Variants in ZBTB32 observed in about 807,000 individuals in gnomAD.
ZBTB32 encodes the protein zinc finger and BTB domain-containing protein 32.
Under a neutral mutation model 45.3 loss-of-function variants are expected in ZBTB32, and 28 were observed. The observed-to-expected ratio is 0.62, with a 90% CI of 0.46 to 0.85. The LOEUF is 0.85. ZBTB32 is among the 40% of genes least tolerant of loss of function. ZBTB32 has a pLI of 0.00. For missense variants in ZBTB32, 587 were observed against 624.4 expected, an observed-to-expected ratio of 0.94 and a Z score of 0.64; for synonymous variants, 283 against 255.7, an observed-to-expected ratio of 1.11 and a Z score of -1.02.
In ZBTB32 at chr19:35,704,620, G is replaced by T. The variant is rs1968493735; in HGVS notation, c.-225G>T. On this transcript the variant is annotated 5_prime_UTR_variant, in exon 1 of 7. Transcript: ENST00000392197. ...AAAGGGAAGGAGGAACAGGGTCTGGGCCGGTGAGTGCCATAGTTTTTCTTA... is the reference window on the plus strand; with the variant it reads ...AAAGGGAAGGAGGAACAGGGTCTGGTCCGGTGAGTGCCATAGTTTTTCTTA... 1 of 152,406 alleles carries T rather than the reference G, an allele frequency of 6.6e-6. No individual in the cohort carries two copies. Among genetic ancestry groups the T allele is most frequent in the Non-Finnish European group, 1.5e-5 (1 of 68,154 alleles). 9.4% of individuals were successfully genotyped at this position (152,406 alleles called of 1,614,324 possible).
intron 1 of ZBTB32, among the ~76,000 whole-genome samples, chr19:35,711,372 TTA>T (rs1426209147): frequency 1.3e-5 from 2 of 152,190 alleles, no homozygotes; most frequent in Non-Finnish European, 2.9e-5. Context: ...GACTGATGCT[TTA>T]TGTGTCTTTT....
chr19:35,716,044 T>A, intron 5 of ZBTB32, 37 bp downstream of exon 5: 1 of 1,611,050 alleles, frequency 6.2e-7, no homozygotes, highest in Non-Finnish European at 8.5e-7. Flanking sequence ...TCAGCCCCAC[T>A]GTAGCCCTTG....
intron 1 of ZBTB32, among the ~76,000 whole-genome samples, chr19:35,707,890 G>A (rs1385794744): frequency 6.6e-6 from 1 of 152,090 alleles, no homozygotes; most frequent in East Asian, 1.9e-4. Flanking sequence ...GCTGAGGCAG[G>A]AGAATCTCTT....
At chr19:35,707,670 T>C (rs1298799985) in intron 1 of ZBTB32, among the ~76,000 whole-genome samples, 1 of 152,020 alleles carries the variant, frequency 6.6e-6, no homozygotes, top group African/African-American at 2.4e-5. Flanking sequence ...ACCCGGCCTG[T>C]GTCTACCATT....
chr19:35,713,926 CTCT>C (rs1968776438), intron 2 of ZBTB32, among the ~76,000 whole-genome samples: 1 of 152,230 alleles, frequency 6.6e-6, no homozygotes, highest in Non-Finnish European at 1.5e-5. Flanking sequence ...ACCTGCTCTC[CTCT>C]TTCTCTGGAT....
At chr19:35,707,050 C>A (rs907879265) in intron 1 of ZBTB32, among the ~76,000 whole-genome samples, 9 of 152,084 alleles carry the variant, frequency 5.9e-5, no homozygotes, top group African/African-American at 2.2e-4. Context: ...CAGACAGCCA[C>A]CAAGCATGAT....
In ZBTB32 at chr19:35,716,562, C is replaced by T. The variant is rs1452128421; in HGVS notation, c.1274C>T (p.Ala425Val). ...AMTKHLRTHG[A>V]APYRCSLCGA... is the part of the protein sequence containing the mutation. ...ACCAAGCACCTGCGGACACACGGGG[C>T]CGCTCCGTACCGCTGCTCCCTGTGC... is the stretch of plus-strand genomic sequence containing the variant. The change falls in exon 7 of 7, where the codon GCC becomes GTC. Residue 425 changes from alanine (A) to valine (V), a missense_variant. Coordinates refer to ENST00000392197, the MANE Select transcript of ZBTB32 (RefSeq NM_014383.3). 6 of 1,612,986 alleles carry T rather than the reference C, an allele frequency of 3.7e-6. No individual in the cohort carries two copies. In the South Asian group the frequency reaches 5.5e-5, roughly 15 times the overall value.
chr19:35,705,910 CAA>C (rs755959258), intron 1 of ZBTB32, among the ~76,000 whole-genome samples: 25 of 103,260 alleles, frequency 2.4e-4, no homozygotes, highest in African/African-American at 3.9e-5. Context: ...TGCTCTGTCT[CAA>C]AAAAAAAAAA....
In ZBTB32 at chr19:35,715,958, C is replaced by T; in HGVS notation, c.975C>T (p.Pro325=). 16 of 1,613,622 alleles carry T rather than the reference C, an allele frequency of 9.9e-6. No homozygotes were observed. The highest frequency in any genetic ancestry group is 1.3e-5 in the Non-Finnish European group (15 of 1,179,920). ...TTCCAGGTTCCCTCCCCCAGGGCCC[C>T]GCACAGCTCAGCCCTGGGGAGATGG... is the stretch of plus-strand genomic sequence containing the variant. ...SPTPGSLPQG[P]AQLSPGEMEE... The change falls in exon 5 of 7, where the codon CCC becomes CCT. Residue 325 remains proline, a synonymous_variant. Transcript: ENST00000392197.
intron 1 of ZBTB32, among the ~76,000 whole-genome samples, chr19:35,707,195 TAA>T (rs537947581): frequency 0.55 from 57,949 of 104,946 alleles, 15,063 homozygotes; most frequent in African/African-American, 0.73. Context: ...ACTGTGTCTC[TAA>T]AAAAAAAAAA....
At chr19:35,706,624 G>T (rs1968551362) in intron 1 of ZBTB32, among the ~76,000 whole-genome samples, 1 of 152,056 alleles carries the variant, frequency 6.6e-6, no homozygotes, top group African/African-American at 2.4e-5. Flanking sequence ...GGAGCCTGAG[G>T]TAGGAGAATC....
At chr19:35,709,120 A>G (rs1968622741) in intron 1 of ZBTB32, among the ~76,000 whole-genome samples, 1 of 152,044 alleles carries the variant, frequency 6.6e-6, no homozygotes, top group Admixed American at 6.6e-5. Context: ...GCGCCTGGCG[A>G]AAGAGTAAAC....
intron 2 of ZBTB32, 91 bp from the exon 3 acceptor site, chr19:35,714,432 A>G (rs1022113007): frequency 2.1e-5 from 11 of 528,742 alleles, no homozygotes; most frequent in Non-Finnish European, 2.5e-5. Context: ...ATAAGCTCCA[A>G]TCCTCTCTTG....
intron 1 of ZBTB32, among the ~76,000 whole-genome samples, chr19:35,705,185 C>T (rs758550537): frequency 2.6e-5 from 4 of 151,830 alleles, no homozygotes; most frequent in African/African-American, 7.3e-5. Flanking sequence ...GGCACACGTC[C>T]GTAATCCCAG....
At position 35,715,465 on chromosome 19, in the gene ZBTB32, C is replaced by A. The variant is rs1196980443; in HGVS notation, c.839C>A (p.Thr280Asn). ...PRYGIPFYHSTPTTGAWQEVW... is the reference protein window; with the variant it reads ...PRYGIPFYHSNPTTGAWQEVW... Reference sequence around the variant, plus strand: ...TATGGCATTCCCTTCTACCATAGCACCCCCACCACTGGAGCCTGGCAGGAG... The same window carrying A: ...TATGGCATTCCCTTCTACCATAGCAACCCCACCACTGGAGCCTGGCAGGAG... The change falls in exon 3 of 7, where the codon ACC (threonine) becomes AAC (asparagine). Residue 280 changes from threonine to asparagine, a missense_variant. Transcript: ENST00000392197. 1.3e-6 allele frequency: 2 copies of A among 1,567,350 alleles called. No homozygotes were observed. The highest frequency in any genetic ancestry group is 4.5e-5 in the East Asian group (2 of 44,510).
At position 35,716,193 on chromosome 19, in the gene ZBTB32, C is replaced by T. The variant is rs776003721; in HGVS notation, c.1085C>T (p.Pro362Leu). ...GCAGGCTGCCCACCTCGCCCGCACC[C>T]TCCCCCGGCCCCTCCTGCTCGGTCT... Reference protein sequence around the residue: ...DKAGCPPRPHPPPAPPARSRP... With the variant: ...DKAGCPPRPHLPPAPPARSRP... Residue 362 changes from proline to leucine, a missense_variant, in exon 6 of 7, where the codon CCT (proline) becomes CTT (leucine). Transcript: ENST00000392197. 5 of 1,613,844 alleles carry T rather than the reference C, an allele frequency of 3.1e-6. No homozygotes were observed. In the East Asian group the frequency reaches 8.9e-5, roughly 29 times the overall value.
At position 35,705,565 on chromosome 19, in the gene ZBTB32, C is replaced by T. The variant is rs1054177619; in HGVS notation, c.-222+942C>T. On this transcript the variant is annotated intron_variant, in intron 1 of 6. Transcript: ENST00000392197. ...AGGGAGAAGGATTCTGAATCCCAGC[C>T]GAGCTGTTTGCGCTGGATGAAGTAT... is the stretch of plus-strand genomic sequence containing the variant. Among the ~76,000 whole-genome samples, 11 of 152,206 alleles carry T rather than the reference C, an allele frequency of 7.2e-5. No homozygotes were observed. The South Asian group carries it at 1.0e-3, about 14-fold the overall frequency.
At chr19:35,709,161 T>A (rs1413538289) in intron 1 of ZBTB32, among the ~76,000 whole-genome samples, 2 of 152,108 alleles carry the variant, frequency 1.3e-5, no homozygotes, top group Non-Finnish European at 2.9e-5. Context: ...ATTTGGATAA[T>A]CGCTCTTAAT....
At position 35,715,626 on chromosome 19, in the gene ZBTB32, G is replaced by A. The variant is rs889366879; in HGVS notation, c.881+119G>A. On this transcript the variant is annotated intron_variant, in intron 3 of 6. Coordinates refer to ENST00000392197, the MANE Select transcript of ZBTB32 (RefSeq NM_014383.3). Reference sequence around the variant, plus strand: ...TGCACAGTTCCTGAGCTGGGGAAGAGACAAGAAGCTGCTGCCACAGGGCAC... The same window carrying A: ...TGCACAGTTCCTGAGCTGGGGAAGAAACAAGAAGCTGCTGCCACAGGGCAC... 6 of 1,479,784 alleles carry A rather than the reference G, an allele frequency of 4.1e-6. No homozygotes were observed. The South Asian group carries it at 5.3e-5, about 13-fold the overall frequency. The allele number at this position is 1,479,784 out of a possible 1,614,324, so 91.7% of individuals were successfully genotyped here.
Sources: gnomAD v4.1 joint callset for allele counts (sites outside exome capture counted in the v4.1 genomes callset) on GRCh38, gnomAD v4.1.1 for gene constraint, MANE v1.5 for transcripts, NCBI Gene and HGNC (gene_info 2026-07-23, HGNC 2026-07-21) for gene names.